Variants in RAB10 observed in about 807,000 individuals in gnomAD.
The protein encoded by RAB10 is RAB10, member RAS oncogene family, also known as ras-related protein Rab-10.
RAB10 carries 5 observed loss-of-function variants against 25.7 expected under a neutral mutation model. That is an observed-to-expected ratio of 0.19 (90% CI 0.10 to 0.41). The LOEUF (loss-of-function observed/expected upper bound fraction) is 0.41. RAB10 is among the 10% of genes least tolerant of loss of function. The pLI is 1.00. For synonymous variants in RAB10, 89 were observed against 86.4 expected (o/e 1.03, Z -0.16); for missense variants, 103 against 245.8 (o/e 0.42, Z 3.89).
intron 1 of RAB10, among the ~76,000 whole-genome samples, chr2:26,037,355 A>G (rs1239923467): frequency 4.6e-5 from 7 of 151,974 alleles, no homozygotes; most frequent in Admixed American, 6.6e-5. Flanking sequence ...TAAGAGTGTT[A>G]AGGCTGGGCA....
intron 1 of RAB10, among the ~76,000 whole-genome samples, chr2:26,081,250 G>T (rs184623619): frequency 6.6e-6 from 1 of 152,284 alleles, no homozygotes; most frequent in Admixed American, 6.5e-5. Flanking sequence ...CCAGCCTTGG[G>T]TATGTCTTTC....
chr2:26,118,974 T>G (rs1667748082), intron 3 of RAB10, among the ~76,000 whole-genome samples: 1 of 152,210 alleles, frequency 6.6e-6, no homozygotes, highest in Non-Finnish European at 1.5e-5. Flanking sequence ...GAAAAAAGAT[T>G]AATGTGCATG....
chr2:26,088,851 CT>C (rs1667043463), intron 1 of RAB10, among the ~76,000 whole-genome samples: 1 of 151,870 alleles, frequency 6.6e-6, no homozygotes, highest in African/African-American at 2.4e-5. Context: ...TCTCGAACTC[CT>C]GACCTCGTGA....
chr2:26,069,223 T>C (rs541174030), intron 1 of RAB10, among the ~76,000 whole-genome samples: 1 of 152,300 alleles, frequency 6.6e-6, no homozygotes, highest in Non-Finnish European at 1.5e-5. Context: ...AGCAGGCCTT[T>C]GGCTAGTTGC....
intron 1 of RAB10, among the ~76,000 whole-genome samples, 181 bp downstream of exon 1, chr2:26,034,916 C>T (rs188832256): frequency 2.6e-5 from 4 of 152,284 alleles, no homozygotes; most frequent in Admixed American, 2.6e-4. Flanking sequence ...CCATGATTTC[C>T]ATCCGGTCTT....
chr2:26,057,442 A>AT (rs1235475986), intron 1 of RAB10, among the ~76,000 whole-genome samples: 3 of 151,660 alleles, frequency 2.0e-5, no homozygotes, highest in Non-Finnish European at 4.4e-5. Flanking sequence ...CTAAAAAAAA[A>AT]AAAAAATTAA....
rs138959731 is a variant in RAB10, at chr2:26,037,022, C to T, written c.127+2287C>T. Among the ~76,000 whole-genome samples, 367 of 152,114 alleles carry T rather than the reference C, an allele frequency of 2.4e-3. 3 individuals carry two copies. Among genetic ancestry groups the T allele is most frequent in the African/African-American group, 7.5e-3 (313 of 41,522 alleles). On this transcript the variant is annotated intron_variant, in intron 1 of 5. Transcript: ENST00000264710. ...CTGGTCTTGACCTCAAGCAATCCAC[C>T]GCCCCAGCCTCCCAAAGTGCTGGGA...
chr2:26,128,040 AT>A, intron 5 of RAB10, 89 bp downstream of exon 5: 1 of 1,174,092 alleles, frequency 8.5e-7, no homozygotes, highest in Non-Finnish European at 1.3e-6. Flanking sequence ...TACATACAGA[AT>A]TTGAGTTTGG....
intron 3 of RAB10, among the ~76,000 whole-genome samples, chr2:26,121,857 G>C (rs1667808504): frequency 6.6e-6 from 1 of 152,088 alleles, no homozygotes; most frequent in East Asian, 1.9e-4. Context: ...TTGCTATTTT[G>C]GTGAGCTCGT....
intron 1 of RAB10, among the ~76,000 whole-genome samples, chr2:26,089,194 G>T (rs1667052148): frequency 6.6e-6 from 1 of 151,928 alleles, no homozygotes; most frequent in South Asian, 2.1e-4. Context: ...GGAGGCCAAG[G>T]TGGGTGGATC....
chr2:26,078,661 T>G (rs1666791942), intron 1 of RAB10, among the ~76,000 whole-genome samples: 1 of 152,022 alleles, frequency 6.6e-6, no homozygotes, highest in Non-Finnish European at 1.5e-5. Context: ...AGCTAGAGTT[T>G]CCACATATGA....
chr2:26,088,064 G>T (rs958101134), intron 1 of RAB10, among the ~76,000 whole-genome samples: 3 of 152,306 alleles, frequency 2.0e-5, no homozygotes, highest in South Asian at 2.1e-4. Context: ...TTCCAGGTAG[G>T]TGGAAAACAC....
chr2:26,086,913 A>C (rs1667000158), intron 1 of RAB10, among the ~76,000 whole-genome samples: 1 of 152,200 alleles, frequency 6.6e-6, no homozygotes, highest in Non-Finnish European at 1.5e-5. Context: ...AAGTATCCAA[A>C]ATAGGTAAAT....
At chr2:26,090,769 A>G (rs1489822125) in intron 1 of RAB10, among the ~76,000 whole-genome samples, 3 of 151,798 alleles carry the variant, frequency 2.0e-5, no homozygotes, top group African/African-American at 7.3e-5. Flanking sequence ...CCCCCTCTCT[A>G]CTAAAATTAC....
At chr2:26,076,594 G>A (rs187532376) in intron 1 of RAB10, among the ~76,000 whole-genome samples, 8 of 152,228 alleles carry the variant, frequency 5.3e-5, no homozygotes, top group East Asian at 1.9e-4. Context: ...GGGTTTCATC[G>A]CAGAATCTAC....
chr2:26,057,361 T>G (rs1217055017), intron 1 of RAB10, among the ~76,000 whole-genome samples: 2 of 151,626 alleles, frequency 1.3e-5, no homozygotes, highest in Non-Finnish European at 2.9e-5. Context: ...CCCAGGAATT[T>G]GAGGTTGCAT....
chr2:26,072,175 T>C lies in RAB10; in HGVS notation c.128-26487T>C, dbSNP rs576930519. On this transcript the variant is annotated intron_variant, in intron 1 of 5. Transcript: ENST00000264710. ...GGCTCACGCCTGTAATCCCAGCACT[T>C]TGGGAGGCCGAGGCGGCTGGATCAT... Among the ~76,000 whole-genome samples the C allele has an allele frequency of 4.3e-4, 65 of 152,144 alleles. 2 individuals carry two copies. The South Asian group carries it at 0.013, about 30-fold the overall frequency.
intron 1 of RAB10, among the ~76,000 whole-genome samples, chr2:26,088,691 G>T (rs1478247898): frequency 1.3e-5 from 2 of 152,036 alleles, no homozygotes; most frequent in Non-Finnish European, 2.9e-5. Context: ...TCGTCTCACT[G>T]CAACCTCCCC....
intron 2 of RAB10, among the ~76,000 whole-genome samples, chr2:26,109,141 C>T (rs1210944663): frequency 1.3e-5 from 2 of 150,442 alleles, no homozygotes; most frequent in Non-Finnish European, 3.0e-5. Context: ...AACTCCTGAC[C>T]TTAAGTGATC....
Sources: gnomAD v4.1 joint callset for allele counts (sites outside exome capture counted in the v4.1 genomes callset) on GRCh38, gnomAD v4.1.1 for gene constraint, MANE v1.5 for transcripts, NCBI Gene and HGNC (gene_info 2026-07-23, HGNC 2026-07-21) for gene names.